CECR2: variants seen among roughly 807,000 people sequenced by gnomAD.
CECR2 encodes the protein chromatin remodeling regulator CECR2.
Under a neutral mutation model 154.5 loss-of-function variants are expected in CECR2, and 30 were observed. That is an observed-to-expected ratio of 0.19 (90% CI 0.15 to 0.26). The LOEUF (loss-of-function observed/expected upper bound fraction) is 0.26, where lower values mean the gene tolerates loss of function less well. CECR2 is among the 10% of genes least tolerant of loss of function. CECR2 has a pLI of 1.00. For synonymous variants in CECR2, 725 were observed against 683.7 expected (o/e 1.06, Z -0.94); for missense variants, 1,743 against 1,829.3 (o/e 0.95, Z 0.86).
chr22:17,387,534 C>T lies in CECR2; in HGVS notation c.126+17625C>T, dbSNP rs117305607. Among the ~76,000 whole-genome samples, 1,279 of 152,256 alleles carry T rather than the reference C, an allele frequency of 8.4e-3. 55 individuals carry two copies. The East Asian group carries it at 0.13, about 16-fold the overall frequency. On this transcript the variant is annotated intron_variant, in intron 1 of 18. Transcript: ENST00000262608. ...GAAGGCCCCGGCTCCAGCCTGCTGGCGTGTGTCCAGCAGGAGCCACCACAC... is the reference window on the plus strand; with the variant it reads ...GAAGGCCCCGGCTCCAGCCTGCTGGTGTGTGTCCAGCAGGAGCCACCACAC...
At chr22:17,483,861 CT>C (rs1217143277) in intron 2 of CECR2, among the ~76,000 whole-genome samples, 2 of 152,212 alleles carry the variant, frequency 1.3e-5, no homozygotes, top group African/African-American at 4.8e-5. Flanking sequence ...AACTTTAGTT[CT>C]GCAAGCTGCA....
intron 1 of CECR2, among the ~76,000 whole-genome samples, chr22:17,441,386 T>A (rs568810896): frequency 6.6e-6 from 1 of 152,230 alleles, no homozygotes; most frequent in Non-Finnish European, 1.5e-5. Flanking sequence ...TGTGATACTG[T>A]ACTAGGCTGA....
Position 17,450,663 on chromosome 22 carries a change from TG to T in CECR2, c.127-26923del, listed in dbSNP as rs548586722. Among the ~76,000 whole-genome samples the T allele has an allele frequency of 1.8e-4, 27 of 152,374 alleles. No homozygotes were observed. The East Asian group carries it at 3.7e-3, about 21-fold the overall frequency. On this transcript the variant is annotated intron_variant, in intron 1 of 18. Coordinates refer to ENST00000262608, the MANE Select transcript of CECR2 (RefSeq NM_001290047.2). ...TGTGCGTATACAACCATTATCTGTG[TG>T]GATGTACTTCCTTCTATTTAATAAT...
intron 4 of CECR2, 86 bp downstream of exon 4, chr22:17,499,635 T>G (rs1187279811): frequency 1.4e-5 from 19 of 1,378,856 alleles, no homozygotes; most frequent in Non-Finnish European, 1.8e-5. Context: ...AGCACAATTT[T>G]TTTTTCCTAA....
chr22:17,419,928 T>C, intron 1 of CECR2: 1 of 184,744 alleles, frequency 5.4e-6, no homozygotes, highest in Non-Finnish European at 1.2e-5. Flanking sequence ...CATTTAACTT[T>C]AGAGAGTTCT....
chr22:17,537,109 C>T lies in CECR2; in HGVS notation c.1115C>T (p.Ala372Val), dbSNP rs748666454. The change falls in exon 10 of 19, where the codon GCG (alanine) becomes GTG (valine). Residue 372 changes from alanine to valine, a missense_variant. By Grantham distance (64) the Ala-to-Val change is moderately conservative. This residue lies in a region of CECR2 where 292 missense variants were observed against 301.2 expected (regional missense o/e 0.97). Coordinates refer to ENST00000262608, the MANE Select transcript of CECR2 (RefSeq NM_001290047.2). ...GCCTTTGTGTTCATTGTAGATCGAG[C>T]GAAGAGGAGAAAGCTCAGGGAAGAA... The part of the protein sequence containing the change: ...EEKVKAVEDR[A>V]KRRKLREERA... The T allele has an allele frequency of 3.1e-6, 5 of 1,613,142 alleles. No homozygotes were observed. Among genetic ancestry groups the T allele is most frequent in the Non-Finnish European group, 3.4e-6 (4 of 1,179,672 alleles).
chr22:17,423,532 A>C (rs2054288613), intron 1 of CECR2, among the ~76,000 whole-genome samples: 1 of 151,868 alleles, frequency 6.6e-6, no homozygotes, highest in Non-Finnish European at 1.5e-5. Flanking sequence ...AAGAAGAATT[A>C]AGTGCTCTGG....
intron 9 of CECR2, 138 bp from the exon 10 acceptor site, chr22:17,536,965 G>A: frequency 1.1e-6 from 1 of 884,228 alleles, no homozygotes; most frequent in Non-Finnish European, 1.7e-6. Flanking sequence ...ACCAAAAAGA[G>A]GGTGGCACAG....
At chr22:17,523,776 GA>G (rs1388520944) in intron 8 of CECR2, among the ~76,000 whole-genome samples, 52 of 122,904 alleles carry the variant, frequency 4.2e-4, no homozygotes, top group South Asian at 2.5e-3. Context: ...AAAAAAAAAA[GA>G]AAAAAAAGCT....
rs539288539 is a variant in CECR2 at position 17,373,816 on chromosome 22, G to A, written c.126+3907G>A. Among the ~76,000 whole-genome samples, 41 of 152,292 alleles carry A rather than the reference G, an allele frequency of 2.7e-4. 1 individual carries two copies. Among genetic ancestry groups the A allele is most frequent in the African/African-American group, 9.9e-4 (41 of 41,564 alleles). On this transcript the variant is annotated intron_variant, in intron 1 of 18. Coordinates refer to ENST00000262608, the MANE Select transcript of CECR2 (RefSeq NM_001290047.2). ...TTACCTGGCCTCCTTTGCCTCAGAA[G>A]ATTATCTGTTAATATTTCAGAACCA... is the stretch of plus-strand genomic sequence containing the variant.
At chr22:17,551,853 G>A (rs928514152) in intron 17 of CECR2, among the ~76,000 whole-genome samples, 178 bp from the exon 18 acceptor site, 2 of 152,122 alleles carry the variant, frequency 1.3e-5, no homozygotes, top group Non-Finnish European at 2.9e-5. Context: ...TAGGTGGTGC[G>A]TGTGCGTGCC....
chr22:17,497,633 A>G (rs1306987579), intron 3 of CECR2, 47 bp downstream of exon 3: 1 of 1,583,940 alleles, frequency 6.3e-7, no homozygotes, highest in East Asian at 2.2e-5. Context: ...AAAAGCCAGC[A>G]ATCAGAAATG....
chr22:17,427,461 C>T (rs1031639037), intron 1 of CECR2, among the ~76,000 whole-genome samples: 15 of 152,094 alleles, frequency 9.9e-5, no homozygotes, highest in South Asian at 4.2e-4. Context: ...ACTTCAAGAA[C>T]GAAGCCGTGG....
chr22:17,422,667 T>TG (rs1242688214), intron 1 of CECR2, among the ~76,000 whole-genome samples: 1 of 152,172 alleles, frequency 6.6e-6, no homozygotes, highest in East Asian at 1.9e-4. Context: ...CTTTTGTACC[T>TG]GTCCCAGAGT....
chr22:17,375,969 A>AG (rs1349816966), intron 1 of CECR2, among the ~76,000 whole-genome samples: 3 of 151,826 alleles, frequency 2.0e-5, no homozygotes, highest in Admixed American at 2.0e-4. Flanking sequence ...CTAAAAAAAA[A>AG]AAAAAATAGT....
chr22:17,550,279 C>T (rs187675709), intron 17 of CECR2: 90 of 184,476 alleles, frequency 4.9e-4, no homozygotes, highest in African/African-American at 1.9e-3. Flanking sequence ...TCCCAAGTAG[C>T]TGGGATTACA....
rs1334217760 is a variant in CECR2 at position 17,556,342 on chromosome 22, C to T, written c.*3502C>T. On this transcript the variant is annotated 3_prime_UTR_variant, in exon 19 of 19. Transcript: ENST00000262608. ...TGTGCCCCTCAGTTCAGTCAGACCT[C>T]AGCTTTAAATGTCGATTTACTCTGT... 1 of 152,206 alleles carries T rather than the reference C, an allele frequency of 6.6e-6. No individual in the cohort carries two copies. Among genetic ancestry groups the T allele is most frequent in the Non-Finnish European group, 1.5e-5 (1 of 68,034 alleles). 9.4% of individuals were successfully genotyped at this position (152,206 alleles called of 1,614,324 possible). A position where few individuals can be genotyped will look rare whatever the true frequency, so the allele number is the denominator to read the frequency against.
intron 1 of CECR2, among the ~76,000 whole-genome samples, chr22:17,461,264 CTGATAT>C (rs1404219220): frequency 6.6e-6 from 1 of 152,180 alleles, no homozygotes; most frequent in Non-Finnish European, 1.5e-5. Flanking sequence ...ACACAACTTA[CTGATAT>C]TAAGTTTGAT....
At chr22:17,483,331 G>C (rs1384691789) in intron 2 of CECR2, among the ~76,000 whole-genome samples, 1 of 152,222 alleles carries the variant, frequency 6.6e-6, no homozygotes, top group East Asian at 1.9e-4. Flanking sequence ...AGGATGAGGT[G>C]AGAGGACGGT....
Sources: allele counts gnomAD v4.1 joint callset (sites outside exome capture counted in the v4.1 genomes callset), GRCh38; gene constraint gnomAD v4.1.1; regional missense constraint gnomAD v4.1.1; transcripts MANE v1.5; gene names NCBI Gene and HGNC (gene_info 2026-07-23, HGNC 2026-07-21).